The following ANKRD30B variants were observed in gnomAD, a reference collection of about 807,000 sequenced individuals.
ANKRD30B encodes ankyrin repeat domain 30B, also known as ankyrin repeat domain-containing protein 30B.
A neutral mutation model predicts 202.2 loss-of-function variants in ANKRD30B; 144 were observed. The ratio of observed to expected loss-of-function variants is 0.71; its 90% CI spans 0.62 to 0.82. The LOEUF (loss-of-function observed/expected upper bound fraction) is 0.82. Among genes scored for constraint, ANKRD30B ranks in the 40% least tolerant of loss-of-function variants. The pLI, the probability that ANKRD30B is intolerant of heterozygous loss-of-function variation, is 0.00. For synonymous variants in ANKRD30B, 508 were observed against 561.3 expected (o/e 0.91, Z 1.34); for missense variants, 1,487 against 1,669.1 (o/e 0.89, Z 1.90).
At chr18:14,784,200 A>G in intron 12 of ANKRD30B, 136 bp from the exon 13 acceptor site, 3 of 885,866 alleles carry the variant, frequency 3.4e-6, no homozygotes, top group Non-Finnish European at 5.2e-6. Context: ...AACAAACCAA[A>G]AGAAAACTTC....
At position 14,804,756 on chromosome 18, in the gene ANKRD30B, T is replaced by G. The variant is rs144767994; in HGVS notation, c.2284+932T>G. Among the ~76,000 whole-genome samples, 2 of 151,010 alleles carry G rather than the reference T, an allele frequency of 1.3e-5. 1 individual carries two copies. The highest frequency in any genetic ancestry group is 3.9e-4 in the East Asian group (2 of 5,164). ...GAAATTGTAGATGGAAGATACTACT[T>G]CTATACAAAGAAAAAGGAAAGAGTG... On this transcript the variant is annotated intron_variant, in intron 24 of 43. Coordinates refer to ENST00000690538, the MANE Select transcript of ANKRD30B (RefSeq NM_001367607.2).
At chr18:14,907,425 T>G in the ANKRD30B span, among the ~76,000 whole-genome samples, 8 of 152,088 alleles carry the variant, frequency 5.3e-5, no homozygotes, top group Non-Finnish European at 8.8e-5. Flanking sequence ...GGTCTGAGAT[T>G]GTGTTTGGTG....
intron 9 of ANKRD30B, among the ~76,000 whole-genome samples, chr18:14,776,623 C>T (rs1262994663): frequency 2.0e-5 from 3 of 152,162 alleles, no homozygotes; most frequent in Non-Finnish European, 4.4e-5. Context: ...CCTCATTTTT[C>T]TAAGGTGAAG....
rs530543482 is a variant in ANKRD30B, at chr18:14,808,466, C to T, written c.2285-85C>T. ...CCTTTTCAATCCAAGCATGAGGACT[C>T]ATCTTCATATTCACATTGTACGAAT... On this transcript the variant is annotated intron_variant, in intron 24 of 43. Coordinates refer to ENST00000690538, the MANE Select transcript of ANKRD30B (RefSeq NM_001367607.2). The T allele has an allele frequency of 3.8e-4, 496 of 1,301,286 alleles. 23 individuals carry two copies. In the South Asian group the frequency reaches 5.7e-3, roughly 15 times the overall value. The allele number at this position is 1,301,286 out of a possible 1,614,324, so 80.6% of individuals were successfully genotyped here.
rs557310181 is a variant in ANKRD30B, at chr18:14,811,357, G to A, written c.2488+1177G>A. 2.0e-4 allele frequency among the ~76,000 whole-genome samples: 30 copies of A among 150,988 alleles called. 1 individual carries two copies. The East Asian group carries it at 5.3e-3, about 27-fold the overall frequency. ...CTCCCAAGTAGCTGGGAATCCAGGC[G>A]CCCACCACAACGCCTGGCTCATTCT... On this transcript the variant is annotated intron_variant, in intron 28 of 43. Coordinates refer to ENST00000690538, the MANE Select transcript of ANKRD30B (RefSeq NM_001367607.2).
chr18:14,818,942 C>T (rs1248932181), intron 30 of ANKRD30B, among the ~76,000 whole-genome samples: 2 of 151,988 alleles, frequency 1.3e-5, no homozygotes, highest in African/African-American at 4.8e-5. Flanking sequence ...GCCACACTGA[C>T]TTCCACAATG....
the ANKRD30B span, among the ~76,000 whole-genome samples, chr18:14,880,424 TG>T: frequency 6.6e-6 from 1 of 152,146 alleles, no homozygotes; most frequent in Admixed American, 6.6e-5. Context: ...AGAATGACGG[TG>T]GTATTCAGAT....
chr18:14,852,063 A>G lies in ANKRD30B; in HGVS notation c.4119A>G (p.Leu1373=), dbSNP rs752889417. 1.2e-6 allele frequency: 2 copies of G among 1,609,140 alleles called. No individual in the cohort carries two copies. Among genetic ancestry groups the G allele is most frequent in the African/African-American group, 2.7e-5 (2 of 74,658 alleles). The change falls in exon 42 of 44, where the codon CTA becomes CTG. Residue 1373 remains leucine, a synonymous_variant. Coordinates refer to ENST00000690538, the MANE Select transcript of ANKRD30B (RefSeq NM_001367607.2). ...KINLNYAGDD[L]RENALVSEHA... is the part of the protein sequence containing the mutation. ...ATCTCAATTATGCAGGAGATGATCTAAGAGAAAATGCATTGGTTTCAGAAC... is the reference window on the plus strand; with the variant it reads ...ATCTCAATTATGCAGGAGATGATCTGAGAGAAAATGCATTGGTTTCAGAAC...
chr18:14,932,029 G>T, the ANKRD30B span, among the ~76,000 whole-genome samples: 4 of 9,016 alleles, frequency 4.4e-4, no homozygotes, highest in Admixed American at 1.4e-3. Context: ...TGTCCCAGGC[G>T]CCCCACCCCA....
At chr18:14,882,427 T>G in the ANKRD30B span, among the ~76,000 whole-genome samples, 1 of 152,208 alleles carries the variant, frequency 6.6e-6, no homozygotes, top group African/African-American at 2.4e-5. Flanking sequence ...AGATTCCTTT[T>G]GGAGTTGATT....
At chr18:14,862,584 C>A in the ANKRD30B span, among the ~76,000 whole-genome samples, 3 of 152,328 alleles carry the variant, frequency 2.0e-5, no homozygotes, top group South Asian at 4.1e-4. Flanking sequence ...TCCACTAGGG[C>A]AGTGCCAACA....
At chr18:14,771,237 G>T (rs934026488) in intron 8 of ANKRD30B, among the ~76,000 whole-genome samples, 7 of 152,142 alleles carry the variant, frequency 4.6e-5, no homozygotes, top group Non-Finnish European at 1.0e-4. Context: ...GTTGGAGACT[G>T]CCATGAAGCC....
At chr18:14,882,080 TTTG>T in the ANKRD30B span, among the ~76,000 whole-genome samples, 3 of 152,190 alleles carry the variant, frequency 2.0e-5, no homozygotes, top group South Asian at 6.2e-4. Flanking sequence ...ATGTTTTGTA[TTTG>T]TTGTTGTTGT....
At chr18:14,896,370 A>T in the ANKRD30B span, among the ~76,000 whole-genome samples, 10 of 152,194 alleles carry the variant, frequency 6.6e-5, no homozygotes, top group Admixed American at 5.2e-4. Flanking sequence ...TGACCTTGTG[A>T]TCTGCCCACC....
intron 15 of ANKRD30B, 30 bp from the exon 16 acceptor site, chr18:14,791,371 G>T (rs1968493658): frequency 6.5e-7 from 1 of 1,542,270 alleles, no homozygotes; most frequent in Non-Finnish European, 8.8e-7. Context: ...TTTTTTCATT[G>T]AAATTATTTA....
At chr18:14,855,830 C>G (rs1208386720), downstream of ANKRD30B, among the ~76,000 whole-genome samples, 1 of 147,532 alleles carries the variant, frequency 6.8e-6, no homozygotes, top group African/African-American at 2.5e-5. Context: ...GGTGGCCAGG[C>G]AGAGGCACTC....
Position 14,817,542 on chromosome 18 carries a change from T to C in ANKRD30B, c.2641+2831T>C, listed in dbSNP as rs192909558. On this transcript the variant is annotated intron_variant, in intron 30 of 43. Transcript: ENST00000690538. ...TCGTTGATGATGAGATAGCTCTGAA[T>C]GTTTCATCTCTGCATGTTTTGCTTT... 3.4e-3 allele frequency among the ~76,000 whole-genome samples: 515 copies of C among 152,286 alleles called. 5 individuals are homozygous for C. Among genetic ancestry groups the C allele is most frequent in the African/African-American group, 0.011 (463 of 41,560 alleles).
intron 28 of ANKRD30B, among the ~76,000 whole-genome samples, chr18:14,811,488 G>C (rs1412473690): frequency 2.0e-5 from 3 of 150,578 alleles, no homozygotes; most frequent in Non-Finnish European, 4.4e-5. Context: ...TGGGATTAGA[G>C]GCGTGAGCCA....
chr18:14,914,383 G>A, the ANKRD30B span, among the ~76,000 whole-genome samples: 2 of 152,132 alleles, frequency 1.3e-5, no homozygotes, highest in Non-Finnish European at 2.9e-5. Flanking sequence ...TACTGACTAG[G>A]TAGCCTGCTT....
Sources: gnomAD v4.1 joint callset for allele counts (sites outside exome capture counted in the v4.1 genomes callset) on GRCh38, gnomAD v4.1.1 for gene constraint, MANE v1.5 for transcripts, NCBI Gene and HGNC (gene_info 2026-07-23, HGNC 2026-07-21) for gene names.